GPHN: variants seen among roughly 807,000 people sequenced by gnomAD.
The protein encoded by GPHN is gephyrin.
In GPHN, 17 loss-of-function variants were observed where a neutral mutation model predicts 95.5. The observed-to-expected ratio is 0.18, with a 90% CI of 0.12 to 0.27. The LOEUF is 0.27. Among genes scored for constraint, GPHN ranks in the 10% least tolerant of loss-of-function variants. GPHN has a pLI of 1.00. For missense variants in GPHN, 660 were observed against 978.1 expected (o/e 0.67, Z 4.34); for synonymous variants, 320 against 322.5 (o/e 0.99, Z 0.08).
chr14:67,506,357 AC>A, the GPHN span, among the ~76,000 whole-genome samples: 4 of 152,162 alleles, frequency 2.6e-5, no homozygotes, highest in African/African-American at 9.7e-5. Flanking sequence ...AACTAATCCC[AC>A]TGGATAAACA....
At chr14:66,937,219 G>C (rs1340961394) in intron 8 of GPHN, among the ~76,000 whole-genome samples, 2 of 152,054 alleles carry the variant, frequency 1.3e-5, no homozygotes, top group African/African-American at 4.8e-5. Flanking sequence ...GCCCAGGCTA[G>C]TCTCAAACTC....
At chr14:66,535,225 A>C (rs1047186072) in intron 1 of GPHN, among the ~76,000 whole-genome samples, 18 of 151,864 alleles carry the variant, frequency 1.2e-4, no homozygotes, top group African/African-American at 2.9e-4. Flanking sequence ...ATTTGGCCCC[A>C]TTTTTTGAAA....
At chr14:67,168,514 T>C (rs192471399) in intron 20 of GPHN, among the ~76,000 whole-genome samples, 59 of 152,352 alleles carry the variant, frequency 3.9e-4, no homozygotes, top group Non-Finnish European at 4.4e-4. Context: ...TGCTTATCTA[T>C]GTTTTCTCAG....
chr14:66,784,040 C>T (rs1040010742), intron 3 of GPHN, among the ~76,000 whole-genome samples: 1 of 152,144 alleles, frequency 6.6e-6, no homozygotes, highest in Non-Finnish European at 1.5e-5. Context: ...AGTCTACAGA[C>T]ACCAACACAA....
the GPHN span, among the ~76,000 whole-genome samples, chr14:67,330,925 T>A: frequency 2.6e-5 from 4 of 152,220 alleles, no homozygotes; most frequent in Admixed American, 6.5e-5. Context: ...TGGCCCAACA[T>A]CTGTTCTTTC....
At chr14:67,489,871 TC>T in the GPHN span, among the ~76,000 whole-genome samples, 1 of 151,978 alleles carries the variant, frequency 6.6e-6, no homozygotes. Flanking sequence ...GCACCTGTAG[TC>T]CCAGCTACTT....
the GPHN span, chr14:67,653,479 T>C: frequency 2.5e-6 from 4 of 1,613,914 alleles, no homozygotes; most frequent in Non-Finnish European, 3.4e-6. Flanking sequence ...TTTGCTCAAG[T>C]TTTCACTTGT....
chr14:66,549,958 A>G (rs2059753806), intron 1 of GPHN, among the ~76,000 whole-genome samples: 1 of 152,204 alleles, frequency 6.6e-6, no homozygotes. Context: ...CTCAGAAAGA[A>G]AGCTTTATTT....
chr14:67,094,099 C>A (rs1320209181), intron 12 of GPHN, among the ~76,000 whole-genome samples: 2 of 151,996 alleles, frequency 1.3e-5, no homozygotes, highest in Non-Finnish European at 2.9e-5. Flanking sequence ...AAATGACTAG[C>A]TATACAGTAT....
chr14:67,269,505 C>T, the GPHN span, among the ~76,000 whole-genome samples: 2 of 152,068 alleles, frequency 1.3e-5, no homozygotes, highest in African/African-American at 4.8e-5. Flanking sequence ...TAATATACAA[C>T]AACATAAATT....
At chr14:66,638,365 C>T (rs1235597541) in intron 1 of GPHN, among the ~76,000 whole-genome samples, 1 of 152,040 alleles carries the variant, frequency 6.6e-6, no homozygotes, top group Non-Finnish European at 1.5e-5. Context: ...ACCAGGGAGG[C>T]AGATGTTGCA....
chr14:66,894,212 T>C lies in GPHN; in HGVS notation c.389+14179T>C, dbSNP rs551901845. Among the ~76,000 whole-genome samples the C allele has an allele frequency of 3.3e-5, 5 of 152,078 alleles. No individual in the cohort carries two copies. In the South Asian group the frequency reaches 1.0e-3, roughly 32 times the overall value. On this transcript the variant is annotated intron_variant, in intron 5 of 22. Coordinates refer to ENST00000478722, the MANE Select transcript of GPHN (RefSeq NM_020806.5). ...CAGCCCTCAGAAATAATACCACACA[T>C]CTACCACTATCTGATCCTGGGCAAA...
the GPHN span, among the ~76,000 whole-genome samples, chr14:67,434,372 A>G: frequency 2.0e-5 from 3 of 152,364 alleles, no homozygotes; most frequent in Non-Finnish European, 2.9e-5. Context: ...TAAAGAAAAC[A>G]GTTAGAACAA....
the GPHN span, chr14:67,573,125 G>C: frequency 1.7e-6 from 1 of 600,704 alleles, no homozygotes. This position sits in a 1 kb window ranked among gnomAD's most constrained non-coding sequence, Gnocchi z 4.8. Flanking sequence ...AGCAGGGCAT[G>C]GTACTCTGAA....
At chr14:67,329,384 C>T in the GPHN span, among the ~76,000 whole-genome samples, 4 of 152,242 alleles carry the variant, frequency 2.6e-5, no homozygotes, top group East Asian at 1.9e-4. Context: ...TGGGCTGAGA[C>T]GATGGAGTTT....
At chr14:67,311,586 A>T in the GPHN span, among the ~76,000 whole-genome samples, 1 of 152,200 alleles carries the variant, frequency 6.6e-6, no homozygotes, top group East Asian at 1.9e-4. Flanking sequence ...GAAATTAAAG[A>T]GAATTTTAAT....
At chr14:67,023,481 A>G in intron 9 of GPHN, 152 bp from the exon 10 acceptor site, 1 of 586,880 alleles carries the variant, frequency 1.7e-6, no homozygotes, top group Non-Finnish European at 3.1e-6. Flanking sequence ...AAGATGAAAC[A>G]AGTATAACAT....
At chr14:66,913,970 A>G (rs2065794447) in intron 5 of GPHN, among the ~76,000 whole-genome samples, 1 of 152,180 alleles carries the variant, frequency 6.6e-6, no homozygotes, top group African/African-American at 2.4e-5. Context: ...GTATGTCTTA[A>G]AATTAATTTT....
chr14:67,550,193 A>G, the GPHN span, among the ~76,000 whole-genome samples: 1 of 150,026 alleles, frequency 6.7e-6, no homozygotes, highest in Non-Finnish European at 1.5e-5. Flanking sequence ...TTGTCTTTAT[A>G]TTTTTTATTT....
Sources: gnomAD v4.1 joint callset for allele counts (sites outside exome capture counted in the v4.1 genomes callset) on GRCh38, gnomAD v4.1.1 for gene constraint, Gnocchi (gnomAD v3.1) non-coding constraint, MANE v1.5 for transcripts, NCBI Gene and HGNC (gene_info 2026-07-23, HGNC 2026-07-21) for gene names.